The following WASHC4 variants were observed in gnomAD, a reference collection of about 807,000 sequenced individuals.
WASHC4 encodes the protein WASH complex subunit 7.
In WASHC4, 86 loss-of-function variants were observed where a neutral mutation model predicts 166.6. The ratio of observed to expected loss-of-function variants is 0.52; its 90% CI spans 0.43 to 0.62. The LOEUF (loss-of-function observed/expected upper bound fraction) is 0.62. Among genes scored for constraint, WASHC4 ranks in the 20% least tolerant of loss-of-function variants. The pLI is 0.00. For synonymous variants in WASHC4, 446 were observed against 451.6 expected, an observed-to-expected ratio of 0.99 and a Z score of 0.16; for missense variants, 1,262 against 1,382.4, an observed-to-expected ratio of 0.91 and a Z score of 1.38.
intron 13 of WASHC4, among the ~76,000 whole-genome samples, chr12:105,129,628 G>A (rs1881620474): frequency 6.6e-6 from 1 of 152,196 alleles, no homozygotes; most frequent in Admixed American, 6.5e-5. Context: ...GAAGGTCTGA[G>A]AACCATGCCT....
At chr12:105,136,785 G>A (rs561821253) in intron 14 of WASHC4, among the ~76,000 whole-genome samples, 26 of 151,990 alleles carry the variant, frequency 1.7e-4, no homozygotes, top group African/African-American at 5.1e-4. Flanking sequence ...TTGGTCTTAC[G>A]GTCACCTTTC....
intron 10 of WASHC4, among the ~76,000 whole-genome samples, chr12:105,125,326 TA>T (rs1881181969): frequency 6.6e-6 from 1 of 152,164 alleles, no homozygotes; most frequent in Non-Finnish European, 1.5e-5. Context: ...CTAGAAATAT[TA>T]AAAAAACTTG....
chr12:105,158,743 T>G (rs941539855), intron 28 of WASHC4, among the ~76,000 whole-genome samples: 1 of 152,176 alleles, frequency 6.6e-6, no homozygotes, highest in Non-Finnish European at 1.5e-5. Context: ...TTTTGTGGCT[T>G]TGTAGAAAAA....
intron 14 of WASHC4, among the ~76,000 whole-genome samples, chr12:105,135,478 G>A (rs1406025594): frequency 2.0e-5 from 3 of 151,200 alleles, no homozygotes; most frequent in Non-Finnish European, 4.4e-5. Context: ...GAAGTCAACT[G>A]TAGGTTTGTT....
At chr12:105,130,986 C>G (rs1441720032) in intron 13 of WASHC4, among the ~76,000 whole-genome samples, 1 of 152,178 alleles carries the variant, frequency 6.6e-6, no homozygotes, top group Non-Finnish European at 1.5e-5. Flanking sequence ...AACTGACAAT[C>G]CAATAGGACA....
intron 25 of WASHC4, among the ~76,000 whole-genome samples, chr12:105,150,408 T>C (rs1253423527): frequency 1.3e-5 from 2 of 152,202 alleles, no homozygotes; most frequent in Non-Finnish European, 2.9e-5. Flanking sequence ...GACAAGGAAA[T>C]GTGAACATTT....
At chr12:105,112,359 G>A (rs1317162613) in intron 2 of WASHC4, among the ~76,000 whole-genome samples, 3 of 152,138 alleles carry the variant, frequency 2.0e-5, no homozygotes, top group Non-Finnish European at 4.4e-5. Flanking sequence ...TTGGGCACAT[G>A]ATTTTGTGTA....
chr12:105,122,235 C>A lies in WASHC4; in HGVS notation c.783C>A (p.Phe261Leu), dbSNP rs754325037. Residue 261 changes from phenylalanine to leucine, a missense_variant, in exon 10 of 33, where the codon TTC becomes TTA. Transcript: ENST00000332180. ...LEGQLLDGMIFQACIEQQFDS... is the reference protein window; with the variant it reads ...LEGQLLDGMILQACIEQQFDS... The stretch of plus-strand genomic sequence containing the variant: ...GGCAATTACTGGATGGAATGATATT[C>A]CAGGTAAGTAGGTCTGTATCAGACT... 8.1e-6 allele frequency: 13 copies of A among 1,612,096 alleles called. No individual in the cohort carries two copies. Among genetic ancestry groups the A allele is most frequent in the Non-Finnish European group, 1.1e-5 (13 of 1,179,448 alleles).
At chr12:105,128,001 C>T (rs1454073236) in intron 13 of WASHC4, among the ~76,000 whole-genome samples, 1 of 152,278 alleles carries the variant, frequency 6.6e-6, no homozygotes, top group Admixed American at 6.5e-5. Flanking sequence ...GCTAAAATCA[C>T]GTTAACTTGG....
At position 105,144,880 on chromosome 12, in the gene WASHC4, A is replaced by G. The variant is rs750431768; in HGVS notation, c.2334+8A>G. ...AGTCAGACTTTGGAACAGGTATAGTATAAAATGTTTTTTTTAGCATACTGT... is the reference window on the plus strand; with the variant it reads ...AGTCAGACTTTGGAACAGGTATAGTGTAAAATGTTTTTTTTAGCATACTGT... On this transcript the variant is annotated splice_region_variant and intron_variant, in intron 22 of 32. Coordinates refer to ENST00000332180, the MANE Select transcript of WASHC4 (RefSeq NM_015275.3). 7 of 1,609,260 alleles carry G rather than the reference A, an allele frequency of 4.3e-6. No homozygotes were observed. The East Asian group carries it at 1.1e-4, about 26-fold the overall frequency.
At chr12:105,142,305 G>C in intron 18 of WASHC4, 148 bp from the exon 19 acceptor site, 1 of 623,898 alleles carries the variant, frequency 1.6e-6, no homozygotes, top group Non-Finnish European at 2.9e-6. Flanking sequence ...TTTCTTTTGT[G>C]ACTTTTCTAT....
chr12:105,119,099 CAG>C (rs1449242006), intron 7 of WASHC4, among the ~76,000 whole-genome samples: 3 of 152,138 alleles, frequency 2.0e-5, no homozygotes, highest in Non-Finnish European at 4.4e-5. Context: ...CCGGAGGAAA[CAG>C]ATACCACCTC....
intron 2 of WASHC4, among the ~76,000 whole-genome samples, chr12:105,113,367 A>G (rs959859685): frequency 3.3e-5 from 5 of 152,006 alleles, no homozygotes; most frequent in African/African-American, 1.2e-4. Context: ...CTCAGATTTT[A>G]TAAAAGGGTG....
chr12:105,156,875 T>A, intron 27 of WASHC4, 83 bp downstream of exon 27: 1 of 969,174 alleles, frequency 1.0e-6, no homozygotes, highest in Non-Finnish European at 1.7e-6. Context: ...AGTGATATTG[T>A]AGATAAGGTG....
chr12:105,159,975 G>T, intron 28 of WASHC4, 26 bp from the exon 29 acceptor site: 1 of 1,610,876 alleles, frequency 6.2e-7, no homozygotes, highest in South Asian at 1.1e-5. Context: ...TTTGAGAAAG[G>T]AACCAAATAA....
chr12:105,149,266 G>A, intron 24 of WASHC4: 2 of 985,384 alleles, frequency 2.0e-6, no homozygotes, highest in Non-Finnish European at 2.4e-6. Context: ...ACTGATGGAG[G>A]AACATAGAAA....
intron 15 of WASHC4, 117 bp from the exon 16 acceptor site, chr12:105,140,177 G>GT (rs1453378380): frequency 1.0e-5 from 8 of 800,246 alleles, no homozygotes; most frequent in Admixed American, 3.7e-5. Flanking sequence ...GGACTGTAAG[G>GT]TTTTTTTGTA....
chr12:105,143,277 C>A, intron 20 of WASHC4, 34 bp downstream of exon 20: 1 of 1,235,674 alleles, frequency 8.1e-7, no homozygotes, highest in Non-Finnish European at 1.2e-6. Flanking sequence ...AAGCTTAAAA[C>A]ATGTTTGGAA....
intron 1 of WASHC4, among the ~76,000 whole-genome samples, chr12:105,110,164 G>A (rs1038782714): frequency 6.6e-6 from 1 of 152,126 alleles, no homozygotes; most frequent in Non-Finnish European, 1.5e-5. Context: ...TGGATTCACC[G>A]GATTTAAAAC....
Sources: gnomAD v4.1 joint callset for allele counts (sites outside exome capture counted in the v4.1 genomes callset) on GRCh38, gnomAD v4.1.1 for gene constraint, MANE v1.5 for transcripts, NCBI Gene and HGNC (gene_info 2026-07-23, HGNC 2026-07-21) for gene names.